Variants in RABGAP1L observed in about 807,000 individuals in gnomAD.
RABGAP1L encodes the protein rab GTPase-activating protein 1-like.
RABGAP1L carries 63 observed loss-of-function variants against 137.7 expected under a neutral mutation model. The observed-to-expected ratio is 0.46, with a 90% CI of 0.37 to 0.56. The LOEUF (loss-of-function observed/expected upper bound fraction) is 0.56. Ranked by LOEUF, RABGAP1L falls within the 20% of genes least tolerant of loss-of-function variation. The pLI is 0.00. For missense variants in RABGAP1L, 1,095 were observed against 1,244.0 expected, an observed-to-expected ratio of 0.88 and a Z score of 1.80; for synonymous variants, 431 against 433.7, an observed-to-expected ratio of 0.99 and a Z score of 0.08.
intron 17 of RABGAP1L, among the ~76,000 whole-genome samples, chr1:174,708,968 A>T (rs2148546374): frequency 6.6e-6 from 1 of 152,280 alleles, no homozygotes; most frequent in East Asian, 1.9e-4. Context: ...TCAAGCTGGG[A>T]TGCTTGAGCT....
At chr1:174,705,191 C>T (rs777865918) in intron 17 of RABGAP1L, 1 of 151,988 alleles carries the variant, frequency 6.6e-6, no homozygotes, top group Non-Finnish European at 1.5e-5. Context: ...TTCTCAATCA[C>T]TTTTCCTAGA....
chr1:174,361,727 A>G (rs1376459681), intron 11 of RABGAP1L, among the ~76,000 whole-genome samples: 1 of 152,124 alleles, frequency 6.6e-6, no homozygotes, highest in African/African-American at 2.4e-5. Flanking sequence ...TCTGCAAGCA[A>G]GTTTAATGTG....
At chr1:174,838,626 A>C (rs1692997780) in intron 19 of RABGAP1L, among the ~76,000 whole-genome samples, 1 of 152,168 alleles carries the variant, frequency 6.6e-6, no homozygotes, top group African/African-American at 2.4e-5. Context: ...AACCAGAAAA[A>C]GAGGCAGACA....
chr1:174,291,736 A>G (rs1476704288), intron 10 of RABGAP1L, among the ~76,000 whole-genome samples: 1 of 151,974 alleles, frequency 6.6e-6, no homozygotes, highest in East Asian at 1.9e-4. Flanking sequence ...TATTGCACAA[A>G]ATATTGACCT....
At position 174,763,650 on chromosome 1, in the gene RABGAP1L, CAAAAAAAAAAAAAAAAAAAAAAAAAAA is replaced by C. The variant is rs1165876748; in HGVS notation, c.2211+11308_2211+11334del. Among the ~76,000 whole-genome samples, 5 of 13,100 alleles carry C rather than the reference CAAAAAAAAAAAAAAAAAAAAAAAAAAA, an allele frequency of 3.8e-4. No individual in the cohort carries two copies. In the Admixed American group the frequency reaches 7.7e-3, roughly 20 times the overall value. The allele number at this position is 13,100 out of a possible 152,430, so 8.6% of individuals were successfully genotyped here. On this transcript the variant is annotated intron_variant, in intron 18 of 25. Coordinates refer to ENST00000681986, the MANE Select transcript of RABGAP1L (RefSeq NM_001366446.1). ...TGGGCGACAGAGCGAGACTCCGTCT[CAAAAAAAAAAAAAAAAAAAAAAAAAAA>C]AAAAAAAAAAATTAGCCAGGCGTGG...
At chr1:174,643,919 GTGT>G (rs1557942890) in intron 14 of RABGAP1L, among the ~76,000 whole-genome samples, 3 of 127,678 alleles carry the variant, frequency 2.3e-5, no homozygotes, top group Non-Finnish European at 4.7e-5. Flanking sequence ...ATATAGGGGT[GTGT>G]GTGTGTGTGT....
chr1:174,596,191 C>T (rs1180971593), intron 13 of RABGAP1L, among the ~76,000 whole-genome samples: 1 of 121,964 alleles, frequency 8.2e-6, no homozygotes, highest in East Asian at 2.3e-4. Flanking sequence ...CCAGGTGAGG[C>T]AATGCCTCGC....
At chr1:174,853,228 GT>G (rs77745358) in intron 19 of RABGAP1L, among the ~76,000 whole-genome samples, 357 of 138,702 alleles carry the variant, frequency 2.6e-3, no homozygotes, top group African/African-American at 3.6e-3. Context: ...AGGCTGGGTT[GT>G]TTTTTTTTTT....
chr1:174,231,019 G>A, intron 3 of RABGAP1L, 126 bp from the exon 4 acceptor site: 3 of 633,758 alleles, frequency 4.7e-6, no homozygotes, highest in Non-Finnish European at 8.0e-6. Flanking sequence ...AATATAAAAG[G>A]AGTGAAAATA....
At chr1:174,535,821 A>T (rs1664846951) in intron 13 of RABGAP1L, among the ~76,000 whole-genome samples, 1 of 152,130 alleles carries the variant, frequency 6.6e-6, no homozygotes, top group Admixed American at 6.5e-5. Context: ...AAAATAGAAA[A>T]CTCAAAATGT....
At chr1:174,573,959 G>A (rs761870973) in intron 13 of RABGAP1L, among the ~76,000 whole-genome samples, 1 of 152,192 alleles carries the variant, frequency 6.6e-6, no homozygotes, top group African/African-American at 2.4e-5. Context: ...AACAAGATTA[G>A]AAAGGGAATG....
chr1:174,298,606 G>T (rs1677356457), intron 10 of RABGAP1L, among the ~76,000 whole-genome samples: 1 of 152,220 alleles, frequency 6.6e-6, no homozygotes, highest in Admixed American at 6.5e-5. Flanking sequence ...TCTTAAGGGG[G>T]TTGAATGGAC....
At chr1:174,311,032 C>T (rs1259869384) in intron 11 of RABGAP1L, among the ~76,000 whole-genome samples, 1 of 152,028 alleles carries the variant, frequency 6.6e-6, no homozygotes, top group Non-Finnish European at 1.5e-5. Context: ...TTAACCATCC[C>T]CGCCTCCCCC....
intron 14 of RABGAP1L, among the ~76,000 whole-genome samples, chr1:174,677,622 G>T (rs969955699): frequency 6.6e-6 from 1 of 152,138 alleles, no homozygotes; most frequent in Non-Finnish European, 1.5e-5. Flanking sequence ...TAGCCTTGGA[G>T]TTGGAATTGC....
intron 13 of RABGAP1L, among the ~76,000 whole-genome samples, chr1:174,466,239 T>C (rs1657282598): frequency 6.6e-6 from 1 of 152,228 alleles, no homozygotes; most frequent in African/African-American, 2.4e-5. Context: ...ATGTGATCTT[T>C]TTCTAATGTT....
chr1:174,489,482 C>A (rs1193022878), intron 13 of RABGAP1L, among the ~76,000 whole-genome samples: 7 of 151,950 alleles, frequency 4.6e-5, no homozygotes, highest in Non-Finnish European at 1.0e-4. Flanking sequence ...CAATGAGATA[C>A]CATCTCACAC....
intron 13 of RABGAP1L, among the ~76,000 whole-genome samples, chr1:174,612,198 T>C (rs895143422): frequency 9.2e-5 from 14 of 152,214 alleles, no homozygotes; most frequent in East Asian, 7.7e-4. Context: ...GGGTCTGTCA[T>C]AGATAGCTCT....
At chr1:174,175,972 G>A (rs1055015506) in intron 1 of RABGAP1L, among the ~76,000 whole-genome samples, 5 of 152,082 alleles carry the variant, frequency 3.3e-5, no homozygotes, top group African/African-American at 1.2e-4. Flanking sequence ...ACAGTTTAGC[G>A]AGAAGACAGC....
chr1:174,873,879 C>A (rs1415306762), intron 19 of RABGAP1L, among the ~76,000 whole-genome samples: 2 of 152,184 alleles, frequency 1.3e-5, no homozygotes, highest in African/African-American at 4.8e-5. Flanking sequence ...AATGCAACTA[C>A]TTTGCTGCAT....
Sources: gnomAD v4.1 joint callset for allele counts (sites outside exome capture counted in the v4.1 genomes callset) on GRCh38, gnomAD v4.1.1 for gene constraint, MANE v1.5 for transcripts, NCBI Gene and HGNC (gene_info 2026-07-23, HGNC 2026-07-21) for gene names.